FOXR1: variants seen among roughly 807,000 people sequenced by gnomAD.
FOXR1 encodes the protein forkhead box R1.
FOXR1 carries 25 observed loss-of-function variants against 34.5 expected under a neutral mutation model. The ratio of observed to expected loss-of-function variants is 0.72; its 90% CI spans 0.53 to 1.01. The LOEUF is 1.01. FOXR1 is among the 50% of genes least tolerant of loss of function. The pLI, the probability that FOXR1 is intolerant of heterozygous loss-of-function variation, is 0.00. For missense variants in FOXR1, 373 were observed against 376.2 expected (o/e 0.99, Z 0.07); for synonymous variants, 153 against 141.6 (o/e 1.08, Z -0.57).
chr11:118,978,945 T>G lies in FOXR1; in HGVS notation c.137-12T>G, dbSNP rs1941812207. The G allele has an allele frequency of 6.2e-7, 1 of 1,612,318 alleles. No homozygotes were observed. Among genetic ancestry groups the G allele is most frequent in the Admixed American group, 1.7e-5 (1 of 59,720 alleles). On this transcript the variant is annotated splice_polypyrimidine_tract_variant and intron_variant, in intron 2 of 5. Coordinates refer to ENST00000317011, the MANE Select transcript of FOXR1 (RefSeq NM_181721.3). ...CAGTGGGCTGTGGCACACAATCTTT[T>G]GTTCTGCACAGGTCCAGATTATGAG...
intron 3 of FOXR1, 85 bp from the exon 4 acceptor site, chr11:118,979,357 C>A (rs1040965669): frequency 5.7e-5 from 84 of 1,476,808 alleles, no homozygotes; most frequent in Non-Finnish European, 7.5e-5. Context: ...CAAATGGTGG[C>A]CTTAGACCAC....
Position 118,980,571 on chromosome 11 carries a change from T to A in FOXR1, c.693T>A (p.Phe231Leu). The change falls in exon 5 of 6, where the codon TTT becomes TTA. Residue 231 changes from phenylalanine (F) to leucine (L), a missense_variant. Physicochemically the swap from Phe to Leu is conservative, Grantham distance 22. Coordinates refer to ENST00000317011, the MANE Select transcript of FOXR1 (RefSeq NM_181721.3). ...ACAATCTCTGTTTTCGAGACAGCTT[T>A]GAGAAAGTGCCTGTCAGCATGCAGG... ...VRHNLCFRDS[F>L]EKVPVSMQGG... 6.2e-7 allele frequency: 1 copy of A among 1,614,222 alleles called. No homozygotes were observed. Among genetic ancestry groups the A allele is most frequent in the Non-Finnish European group, 8.5e-7 (1 of 1,180,032 alleles).
intron 4 of FOXR1, 25 bp downstream of exon 4, chr11:118,979,693 AG>A (rs1565647330): frequency 1.3e-6 from 2 of 1,551,304 alleles, no homozygotes; most frequent in Non-Finnish European, 1.7e-6. Context: ...CCCTGCGAGG[AG>A]GGGGAAGTGG....
intron 3 of FOXR1, 48 bp from the exon 4 acceptor site, chr11:118,979,394 A>AG: frequency 6.6e-7 from 1 of 1,516,832 alleles, no homozygotes; most frequent in Non-Finnish European, 8.9e-7. Flanking sequence ...TGCACCCTGG[A>AG]GTAGAGGCTG....
chr11:118,979,350 A>G, intron 3 of FOXR1, 92 bp from the exon 4 acceptor site: 1 of 1,485,144 alleles, frequency 6.7e-7, no homozygotes, highest in Non-Finnish European at 9.0e-7. Context: ...AGAAGCCCAA[A>G]TGGTGGCCTT....
Position 118,979,113 on chromosome 11 carries a change from C to A in FOXR1, c.293C>A (p.Ser98Ter). The A allele has an allele frequency of 6.2e-7, 1 of 1,606,756 alleles. No homozygotes were observed. Among genetic ancestry groups the A allele is most frequent in the Non-Finnish European group, 8.5e-7 (1 of 1,176,840 alleles). Residue 98 changes from serine (S) to a stop codon, truncating the protein, a stop_gained, in exon 3 of 6, where the codon TCA becomes TAA. Transcript: ENST00000317011. LOFTEE classifies it high-confidence loss of function. Reference sequence around the variant, plus strand: ...CAGAAGGAGGAAGATGCCAGCTGCTCAGAGGCCGCAGGGGTGGAATCACTG... The same window carrying A: ...CAGAAGGAGGAAGATGCCAGCTGCTAAGAGGCCGCAGGGGTGGAATCACTG... ...PPQKEEDASCSEAAGVESLSQ... is the reference protein window; with the variant it reads ...PPQKEEDASC
At chr11:118,978,319 C>T (rs563001024) in intron 1 of FOXR1, among the ~76,000 whole-genome samples, 19 of 152,134 alleles carry the variant, frequency 1.2e-4, no homozygotes, top group African/African-American at 4.6e-4. Context: ...CACACCACTG[C>T]ACTCCAGCCT....
rs782402816 is a variant in FOXR1, at chr11:118,979,675, G to A, written c.611+7G>A. On this transcript the variant is annotated splice_region_variant and intron_variant, in intron 4 of 5. Coordinates refer to ENST00000317011, the MANE Select transcript of FOXR1 (RefSeq NM_181721.3). Reference sequence around the variant, plus strand: ...AGATCTACAGTTTCACTCGGTATGTGCCGGGGGCCCTGCGAGGAGGGGGAA... The same window carrying A: ...AGATCTACAGTTTCACTCGGTATGTACCGGGGGCCCTGCGAGGAGGGGGAA... 5 of 1,574,862 alleles carry A rather than the reference G, an allele frequency of 3.2e-6. No individual in the cohort carries two copies. The highest frequency in any genetic ancestry group is 1.7e-4 in the Middle Eastern group (1 of 5,888).
intron 1 of FOXR1, 137 bp downstream of exon 1, chr11:118,972,129 G>GA: frequency 8.3e-6 from 3 of 359,350 alleles, no homozygotes; most frequent in Non-Finnish European, 1.3e-5. Context: ...AGCGCCCCGC[G>GA]CCCCCCCCCC....
At chr11:118,977,367 A>G (rs890713594) in intron 1 of FOXR1, among the ~76,000 whole-genome samples, 1 of 152,138 alleles carries the variant, frequency 6.6e-6, no homozygotes, top group Non-Finnish European at 1.5e-5. Context: ...TGTGCATAAA[A>G]CTTACAGATT....
intron 1 of FOXR1, among the ~76,000 whole-genome samples, chr11:118,976,154 T>C (rs1306344002): frequency 3.3e-5 from 5 of 152,120 alleles, no homozygotes; most frequent in Admixed American, 3.3e-4. Context: ...CACAGTAGAG[T>C]AGAAGTCAAA....
chr11:118,974,174 G>C (rs150873614), intron 1 of FOXR1, among the ~76,000 whole-genome samples: 3 of 152,304 alleles, frequency 2.0e-5, no homozygotes, highest in Non-Finnish European at 4.4e-5. Context: ...GTTGAGAGCA[G>C]GAATGCCTGT....
In FOXR1 at chr11:118,980,549, A is replaced by G; in HGVS notation, c.671A>G (p.Asn224Ser). 1 of 1,614,170 alleles carries G rather than the reference A, an allele frequency of 6.2e-7. No individual in the cohort carries two copies. Among genetic ancestry groups the G allele is most frequent in the Non-Finnish European group, 8.5e-7 (1 of 1,180,034 alleles). Reference protein sequence around the residue: ...PEGWKNTVRHNLCFRDSFEKV... With the variant: ...PEGWKNTVRHSLCFRDSFEKV... Reference sequence around the variant, plus strand: ...GGCTGGAAGAATACTGTCCGTCACAATCTCTGTTTTCGAGACAGCTTTGAG... The same window carrying G: ...GGCTGGAAGAATACTGTCCGTCACAGTCTCTGTTTTCGAGACAGCTTTGAG... The change falls in exon 5 of 6, where the codon AAT (asparagine) becomes AGT (serine). Residue 224 changes from asparagine (N) to serine (S), a missense_variant. Transcript: ENST00000317011.
intron 1 of FOXR1, 130 bp from the exon 2 acceptor site, chr11:118,978,652 T>G: frequency 1.1e-6 from 1 of 884,080 alleles, no homozygotes; most frequent in Non-Finnish European, 1.8e-6. Context: ...CCCGTAGAAG[T>G]AGAATGTGAT....
At chr11:118,973,294 G>T (rs1297578364) in intron 1 of FOXR1, among the ~76,000 whole-genome samples, 1 of 152,150 alleles carries the variant, frequency 6.6e-6, no homozygotes, top group Non-Finnish European at 1.5e-5. Context: ...ATAATCCACA[G>T]AAGTATAATA....
intron 4 of FOXR1, 155 bp from the exon 5 acceptor site, chr11:118,980,335 C>A: frequency 1.2e-6 from 1 of 835,388 alleles, no homozygotes; most frequent in Non-Finnish European, 2.0e-6. Context: ...TGCTTTGCCA[C>A]GTGCTCAGTT....
chr11:118,973,753 G>A (rs1941745169), intron 1 of FOXR1, among the ~76,000 whole-genome samples: 1 of 143,356 alleles, frequency 7.0e-6, no homozygotes, highest in Non-Finnish European at 1.5e-5. Flanking sequence ...GAGTACAGTA[G>A]CGCAATCTCA....
At chr11:118,972,747 T>C (rs571010018) in intron 1 of FOXR1, among the ~76,000 whole-genome samples, 1 of 152,166 alleles carries the variant, frequency 6.6e-6, no homozygotes, top group South Asian at 2.1e-4. Flanking sequence ...CCCAGCCTCC[T>C]GAGTAGCCTG....
At chr11:118,977,419 G>C (rs1592027705) in intron 1 of FOXR1, among the ~76,000 whole-genome samples, 1 of 152,110 alleles carries the variant, frequency 6.6e-6, no homozygotes, top group African/African-American at 2.4e-5. Context: ...TGTATTATAA[G>C]TCTTTGTTCA....
Sources: allele counts gnomAD v4.1 joint callset (sites outside exome capture counted in the v4.1 genomes callset), GRCh38; gene constraint gnomAD v4.1.1; transcripts MANE v1.5; gene names NCBI Gene and HGNC (gene_info 2026-07-23, HGNC 2026-07-21).